The following ENPP1 variants were observed in gnomAD, a reference collection of about 807,000 sequenced individuals.
ENPP1 encodes the protein ectonucleotide pyrophosphatase/phosphodiesterase family member 1.
Under a neutral mutation model 122.8 loss-of-function variants are expected in ENPP1, and 73 were observed. That is an observed-to-expected ratio of 0.59 (90% CI 0.49 to 0.72). The LOEUF (loss-of-function observed/expected upper bound fraction) is 0.72, where lower values mean the gene tolerates loss of function less well. Among genes scored for constraint, ENPP1 ranks in the 30% least tolerant of loss-of-function variants. The pLI, the probability that ENPP1 is intolerant of heterozygous loss-of-function variation, is 0.00. For synonymous variants in ENPP1, 367 were observed against 391.6 expected, an observed-to-expected ratio of 0.94 and a Z score of 0.74; for missense variants, 978 against 1,128.1, an observed-to-expected ratio of 0.87 and a Z score of 1.91.
intron 22 of ENPP1, 87 bp from the exon 23 acceptor site, chr6:131,884,844 A>G (rs970963255): frequency 1.6e-5 from 23 of 1,434,118 alleles, no homozygotes; most frequent in African/African-American, 2.8e-5. Context: ...TATAAATGCT[A>G]ATTTTGAATC....
At chr6:131,886,161 T>G (rs1461586471) in intron 23 of ENPP1, among the ~76,000 whole-genome samples, 3 of 152,194 alleles carry the variant, frequency 2.0e-5, no homozygotes, top group African/African-American at 7.2e-5. Context: ...AATAGAAAAT[T>G]CCTAACCAGT....
At chr6:131,869,017 A>G (rs1782124301) in intron 12 of ENPP1, among the ~76,000 whole-genome samples, 1 of 152,220 alleles carries the variant, frequency 6.6e-6, no homozygotes. Flanking sequence ...AATCATACAC[A>G]TACACTCCCA....
chr6:131,860,808 C>T (rs1782013267), intron 8 of ENPP1, among the ~76,000 whole-genome samples: 1 of 152,142 alleles, frequency 6.6e-6, no homozygotes, highest in East Asian at 1.9e-4. Context: ...TTGATCTACA[C>T]AAAACTACGT....
chr6:131,880,371 G>A (rs567242429), intron 20 of ENPP1, among the ~76,000 whole-genome samples: 1 of 152,132 alleles, frequency 6.6e-6, no homozygotes, highest in African/African-American at 2.4e-5. Context: ...AGACCATCCT[G>A]GCTAACACGG....
intron 7 of ENPP1, 86 bp from the exon 8 acceptor site, chr6:131,860,301 C>T (rs911791880): frequency 6.8e-5 from 70 of 1,033,910 alleles, no homozygotes; most frequent in Non-Finnish European, 8.8e-5. Context: ...CTTCAGTTAT[C>T]GGTTTCTTTT....
intron 1 of ENPP1, among the ~76,000 whole-genome samples, chr6:131,843,307 C>T (rs1380133700): frequency 6.6e-6 from 1 of 152,114 alleles, no homozygotes; most frequent in Non-Finnish European, 1.5e-5. Context: ...TTTCTATTGT[C>T]ATACTTTTGT....
intron 10 of ENPP1, 30 bp downstream of exon 10, chr6:131,864,601 T>C (rs780366141): frequency 1.4e-6 from 2 of 1,447,728 alleles, no homozygotes; most frequent in East Asian, 4.6e-5. Flanking sequence ...CTATTGTAAA[T>C]ACTTCGTTTT....
At chr6:131,848,641 G>T (rs1781843556) in intron 2 of ENPP1, among the ~76,000 whole-genome samples, 1 of 152,182 alleles carries the variant, frequency 6.6e-6, no homozygotes, top group Non-Finnish European at 1.5e-5. Context: ...AACAGTTACA[G>T]ACTTTAGTGT....
rs76261637 is a variant in ENPP1 at position 131,869,264 on chromosome 6, C to T, written c.1274-94C>T. The T allele has an allele frequency of 4.7e-3, 5,989 of 1,266,828 alleles. 156 individuals are homozygous for T. In the African/African-American group the frequency reaches 0.049, roughly 10 times the overall value. The allele number at this position is 1,266,828 out of a possible 1,614,324, so 78.5% of individuals were successfully genotyped here. A position where few individuals can be genotyped will look rare whatever the true frequency, so the allele number is the denominator to read the frequency against. On this transcript the variant is annotated intron_variant, in intron 12 of 24. Coordinates refer to ENST00000647893, the MANE Select transcript of ENPP1 (RefSeq NM_006208.3). ...ATATGAGTGCTACACCCATGTTTAACGAATTTAACCTTGGAAGTGAAAGAA... is the reference window on the plus strand; with the variant it reads ...ATATGAGTGCTACACCCATGTTTAATGAATTTAACCTTGGAAGTGAAAGAA...
chr6:131,816,964 A>G (rs1164143495), intron 1 of ENPP1, among the ~76,000 whole-genome samples: 1 of 152,214 alleles, frequency 6.6e-6, no homozygotes, highest in Non-Finnish European at 1.5e-5. Context: ...CCACCTGGGA[A>G]GTGTTAAAGA....
chr6:131,811,376 A>ATATATCTATTATC (rs1781349604), intron 1 of ENPP1, among the ~76,000 whole-genome samples: 1 of 131,280 alleles, frequency 7.6e-6, no homozygotes, highest in Non-Finnish European at 1.6e-5. Context: ...ATCTATATCT[A>ATATATCTATTATC]TATATCTATA....
At chr6:131,883,801 T>A in intron 22 of ENPP1, 27 bp downstream of exon 22, 1 of 1,150,082 alleles carries the variant, frequency 8.7e-7, no homozygotes. Flanking sequence ...CTATATTTGA[T>A]AATTTTAATG....
chr6:131,854,284 G>A (rs115206323), intron 5 of ENPP1, among the ~76,000 whole-genome samples: 2,851 of 152,052 alleles, frequency 0.019, 114 homozygotes, highest in African/African-American at 0.062. Context: ...ATGGTGGTGC[G>A]TGTTTGTAGT....
intron 1 of ENPP1, chr6:131,828,219 G>A: frequency 1.8e-6 from 1 of 563,182 alleles, no homozygotes; most frequent in Non-Finnish European, 3.5e-6. Flanking sequence ...CCAAGGCATG[G>A]TGCAATGATT....
At chr6:131,864,644 C>A in intron 10 of ENPP1, 73 bp downstream of exon 10, 1 of 1,093,600 alleles carries the variant, frequency 9.1e-7, no homozygotes, top group Non-Finnish European at 1.4e-6. Flanking sequence ...AAATAGACTA[C>A]AACAAAACTT....
At chr6:131,853,888 C>T (rs1781910618) in intron 5 of ENPP1, among the ~76,000 whole-genome samples, 2 of 152,146 alleles carry the variant, frequency 1.3e-5, no homozygotes, top group Admixed American at 6.5e-5. Context: ...TAGCTATTCT[C>T]GTTTGTCAAG....
At chr6:131,868,251 A>G (rs959204846) in intron 12 of ENPP1, 125 bp downstream of exon 12, 26 of 678,880 alleles carry the variant, frequency 3.8e-5, no homozygotes, top group Non-Finnish European at 6.1e-5. Context: ...TCTTATGGAC[A>G]GTCTTTAGGA....
At position 131,880,141 on chromosome 6, in the gene ENPP1, C is replaced by T. The variant is rs1048513301; in HGVS notation, c.2100+107C>T. On this transcript the variant is annotated intron_variant, in intron 20 of 24. Coordinates refer to ENST00000647893, the MANE Select transcript of ENPP1 (RefSeq NM_006208.3). The stretch of plus-strand genomic sequence containing the variant: ...TCACCTTGGCTTTATACTCAGTTCC[C>T]GCATTAGAGGAACACTGAAGAGGGA... 1.3e-5 allele frequency: 15 copies of T among 1,129,768 alleles called. No homozygotes were observed. In the African/African-American group the frequency reaches 1.4e-4, roughly 10 times the overall value. 70.0% of individuals were successfully genotyped at this position (1,129,768 alleles called of 1,614,324 possible).
chr6:131,853,581 C>T (rs1187628370), intron 5 of ENPP1, among the ~76,000 whole-genome samples: 1 of 152,126 alleles, frequency 6.6e-6, no homozygotes, highest in Admixed American at 6.6e-5. Context: ...ACTGGTTCTA[C>T]AGAGTCTCTC....
Sources: allele counts gnomAD v4.1 joint callset (sites outside exome capture counted in the v4.1 genomes callset), GRCh38; gene constraint gnomAD v4.1.1; transcripts MANE v1.5; gene names NCBI Gene and HGNC (gene_info 2026-07-23, HGNC 2026-07-21).